EYA1: variants seen among roughly 807,000 people sequenced by gnomAD.
EYA1 encodes the protein EYA transcriptional coactivator and phosphatase 1.
EYA1 carries 16 observed loss-of-function variants against 82.0 expected under a neutral mutation model. The ratio of observed to expected loss-of-function variants is 0.20; its 90% CI spans 0.13 to 0.30. EYA1 has a LOEUF of 0.30. Among genes scored for constraint, EYA1 ranks in the 10% least tolerant of loss-of-function variants. The probability of loss-of-function intolerance (pLI) is 1.00; values close to 1 mark genes in which losing one functional copy is unlikely to be tolerated. For missense variants in EYA1, 633 were observed against 730.7 expected (o/e 0.87, Z 1.54); for synonymous variants, 261 against 264.4 (o/e 0.99, Z 0.12).
intron 12 of EYA1, among the ~76,000 whole-genome samples, chr8:71,229,038 T>C (rs28552766): frequency 3.1e-4 from 47 of 152,320 alleles, no homozygotes; most frequent in African/African-American, 1.1e-3. Context: ...CCTCAATAGA[T>C]GTATTAGAAA....
intron 12 of EYA1, among the ~76,000 whole-genome samples, chr8:71,229,071 A>T (rs1284187685): frequency 6.6e-6 from 1 of 152,174 alleles, no homozygotes; most frequent in Non-Finnish European, 1.5e-5. Flanking sequence ...AACACTTAAT[A>T]TATTTCTATG....
At chr8:71,265,446 T>C (rs1815679685) in intron 11 of EYA1, among the ~76,000 whole-genome samples, 1 of 152,210 alleles carries the variant, frequency 6.6e-6, no homozygotes, top group South Asian at 2.1e-4. Flanking sequence ...TGTTTTTTGT[T>C]GAAAATGAAA....
At chr8:71,339,513 C>A (rs187948676) in intron 3 of EYA1, among the ~76,000 whole-genome samples, 1 of 152,102 alleles carries the variant, frequency 6.6e-6, no homozygotes, top group African/African-American at 2.4e-5. Context: ...GTTTTTTCCA[C>A]GTTCCTTACG....
In EYA1 at chr8:71,327,942, G is replaced by A. The variant is rs560500980; in HGVS notation, c.203-5674C>T. Among the ~76,000 whole-genome samples, 13 of 138,372 alleles carry A rather than the reference G, an allele frequency of 9.4e-5. No individual in the cohort carries two copies. In the South Asian group the frequency reaches 2.6e-3, roughly 28 times the overall value. The allele number at this position is 138,372 out of a possible 152,430, so 90.8% of individuals were successfully genotyped here. A position where few individuals can be genotyped will look rare whatever the true frequency, so the allele number is the denominator to read the frequency against. On this transcript the variant is annotated intron_variant, in intron 4 of 17. Coordinates refer to ENST00000340726, the MANE Select transcript of EYA1 (RefSeq NM_000503.6). ...TGCATCTCAGCTCACTGCAACCTCC[G>A]CCTCCTGGGTTCAAGCGATTCTCCT...
chr8:71,271,792 T>C lies in EYA1; in HGVS notation c.932A>G (p.Asn311Ser). The C allele has an allele frequency of 6.2e-7, 1 of 1,614,234 alleles. No homozygotes were observed. The highest frequency in any genetic ancestry group is 2.2e-5 in the East Asian group (1 of 44,884). Reference sequence around the variant, plus strand: ...AGAATCTGGGGGAGGTGAAGGATTATTGTTTCTTCGGCCCCGTCCACGTGA... The same window carrying C: ...AGAATCTGGGGGAGGTGAAGGATTACTGTTTCTTCGGCCCCGTCCACGTGA... ...GKSRGRGRRN[N>S]NPSPPPDSDL... is the part of the protein sequence containing the mutation. The change falls in exon 10 of 18, where the codon AAT becomes AGT. Residue 311 changes from asparagine to serine, a missense_variant. Transcript: ENST00000340726.
At chr8:71,327,487 C>G (rs1298961840) in intron 4 of EYA1, among the ~76,000 whole-genome samples, 29 of 152,178 alleles carry the variant, frequency 1.9e-4, no homozygotes, top group Admixed American at 1.9e-3. Flanking sequence ...TTTGCAATCC[C>G]TCTTGTTCTT....
chr8:71,218,564 T>C (rs1256197919), intron 12 of EYA1, among the ~76,000 whole-genome samples: 1 of 152,148 alleles, frequency 6.6e-6, no homozygotes, highest in Non-Finnish European at 1.5e-5. Context: ...CTGAGGTCCA[T>C]AACCTCAGAT....
chr8:71,282,920 T>A (rs1817967458), intron 9 of EYA1, among the ~76,000 whole-genome samples: 1 of 150,134 alleles, frequency 6.7e-6, no homozygotes, highest in Non-Finnish European at 1.5e-5. Context: ...GAAGCTCTGA[T>A]CTCTTCAACA....
At chr8:71,226,107 G>A (rs1376476559) in intron 12 of EYA1, among the ~76,000 whole-genome samples, 1 of 152,060 alleles carries the variant, frequency 6.6e-6, no homozygotes, top group Non-Finnish European at 1.5e-5. Flanking sequence ...GCTATGTGCT[G>A]GTATATGCAT....
chr8:71,269,058 T>G (rs1046776848), intron 11 of EYA1, among the ~76,000 whole-genome samples: 1 of 152,208 alleles, frequency 6.6e-6, no homozygotes, highest in Non-Finnish European at 1.5e-5. Context: ...CATTTTTGCC[T>G]GGGAAAGACT....
chr8:71,281,368 A>G (rs185247150), intron 9 of EYA1, among the ~76,000 whole-genome samples: 4 of 152,268 alleles, frequency 2.6e-5, no homozygotes, highest in Admixed American at 2.6e-4. Flanking sequence ...TACAGCAGGG[A>G]TTTGTGGTAT....
intron 1 of EYA1, 175 bp from the exon 2 acceptor site, chr8:71,356,686 G>C: frequency 7.7e-7 from 1 of 1,305,390 alleles, no homozygotes; most frequent in Non-Finnish European, 9.7e-7. Flanking sequence ...CTCAACTGTT[G>C]TTTCCTCCTG....
intron 12 of EYA1, among the ~76,000 whole-genome samples, chr8:71,238,400 T>C (rs1220943254): frequency 6.6e-6 from 1 of 152,146 alleles, no homozygotes. Context: ...GTATTTTTGC[T>C]GATTTATCCT....
chr8:71,345,882 T>C (rs965864781), intron 3 of EYA1, among the ~76,000 whole-genome samples: 6 of 152,188 alleles, frequency 3.9e-5, no homozygotes, highest in African/African-American at 1.4e-4. Flanking sequence ...CCACAGCTCC[T>C]GTACAGTTGA....
intron 1 of EYA1, among the ~76,000 whole-genome samples, chr8:71,536,875 G>C (rs764618850): frequency 6.6e-6 from 1 of 152,174 alleles, no homozygotes; most frequent in Non-Finnish European, 1.5e-5. Context: ...CCACTAAACA[G>C]CTGAATGATC....
intron 2 of EYA1, among the ~76,000 whole-genome samples, chr8:71,445,562 A>T (rs1215776183): frequency 6.6e-6 from 1 of 152,042 alleles, no homozygotes; most frequent in Non-Finnish European, 1.5e-5. Flanking sequence ...ATTATTTAGG[A>T]TCTCACTTTC....
At chr8:71,485,483 A>T (rs1563662093) in intron 2 of EYA1, among the ~76,000 whole-genome samples, 1 of 152,164 alleles carries the variant, frequency 6.6e-6, no homozygotes, top group South Asian at 2.1e-4. Context: ...TCATTTTCTC[A>T]TTCCTCTAAA....
chr8:71,235,055 A>G (rs1811665499), intron 12 of EYA1, among the ~76,000 whole-genome samples: 1 of 152,080 alleles, frequency 6.6e-6, no homozygotes, highest in African/African-American at 2.4e-5. Context: ...ATTTCCATAA[A>G]AGGATACTGT....
chr8:71,479,341 C>T (rs542322737), intron 2 of EYA1, among the ~76,000 whole-genome samples: 8 of 152,262 alleles, frequency 5.3e-5, no homozygotes, highest in African/African-American at 1.7e-4. Context: ...CCCTGAACAC[C>T]TTATTCAAAT....
Sources: gnomAD v4.1 joint callset for allele counts (sites outside exome capture counted in the v4.1 genomes callset) on GRCh38, gnomAD v4.1.1 for gene constraint, MANE v1.5 for transcripts, NCBI Gene and HGNC (gene_info 2026-07-23, HGNC 2026-07-21) for gene names.